Variants in SLC30A4 observed in about 807,000 individuals in gnomAD.
The protein encoded by SLC30A4 is probable proton-coupled zinc antiporter SLC30A4.
In SLC30A4, 20 loss-of-function variants were observed where a neutral mutation model predicts 41.7. The observed-to-expected ratio is 0.48, with a 90% CI of 0.34 to 0.70. The LOEUF (loss-of-function observed/expected upper bound fraction) is 0.70, where lower values mean the gene tolerates loss of function less well. Among genes scored for constraint, SLC30A4 ranks in the 30% least tolerant of loss-of-function variants. The pLI is 0.01. For missense variants in SLC30A4, 441 were observed against 529.3 expected, an observed-to-expected ratio of 0.83 and a Z score of 1.64; for synonymous variants, 181 against 195.9, an observed-to-expected ratio of 0.92 and a Z score of 0.64.
chr15:45,493,074 C>A (rs994220088), intron 3 of SLC30A4, among the ~76,000 whole-genome samples: 2 of 152,086 alleles, frequency 1.3e-5, no homozygotes, highest in Non-Finnish European at 2.9e-5. Context: ...GATTTCAAGA[C>A]CAGCCTGACC....
At chr15:45,515,126 A>G (rs1352575033) in intron 2 of SLC30A4, among the ~76,000 whole-genome samples, 2 of 151,674 alleles carry the variant, frequency 1.3e-5, no homozygotes, top group Non-Finnish European at 2.9e-5. Flanking sequence ...GACTCAGGCA[A>G]TCCTCCTGCC....
chr15:45,492,341 GA>G (rs906042669), intron 3 of SLC30A4, among the ~76,000 whole-genome samples: 5 of 150,782 alleles, frequency 3.3e-5, no homozygotes, highest in African/African-American at 4.9e-5. Flanking sequence ...AGGAAAAGAA[GA>G]AAAAAAATCA....
intron 2 of SLC30A4, among the ~76,000 whole-genome samples, chr15:45,513,015 T>C (rs918631337): frequency 6.8e-6 from 1 of 147,672 alleles, no homozygotes; most frequent in East Asian, 2.0e-4. Flanking sequence ...AAAAGAAAAA[T>C]GGGGCCAGGT....
Position 45,513,000 on chromosome 15 carries a change from A to G in SLC30A4, c.392-1716T>C, listed in dbSNP as rs972384137. 4.0e-5 allele frequency among the ~76,000 whole-genome samples: 6 copies of G among 151,866 alleles called. 1 individual carries two copies. The highest frequency in any genetic ancestry group is 2.6e-4 in the Admixed American group (4 of 15,218). ...TGACAAGAGTGAGACATTGACTAAA[A>G]AAAAAAAAGAAAAATGGGGCCAGGT... On this transcript the variant is annotated intron_variant, in intron 2 of 7. Coordinates refer to ENST00000261867, the MANE Select transcript of SLC30A4 (RefSeq NM_013309.6).
intron 3 of SLC30A4, among the ~76,000 whole-genome samples, chr15:45,504,302 G>A (rs1421152496): frequency 6.6e-6 from 1 of 152,136 alleles, no homozygotes; most frequent in Non-Finnish European, 1.5e-5. Context: ...TCACTTGGGT[G>A]AGAACCCATT....
chr15:45,495,056 G>A (rs1891883929), intron 3 of SLC30A4, among the ~76,000 whole-genome samples: 1 of 151,954 alleles, frequency 6.6e-6, no homozygotes, highest in African/African-American at 2.4e-5. Context: ...GGGAGGTTGA[G>A]GCGGGAGGAT....
rs947845820 is a variant in SLC30A4, at chr15:45,481,836, T to C, written c.*3327A>G. The C allele has an allele frequency of 6.6e-6, 1 of 152,118 alleles. No individual in the cohort carries two copies. The highest frequency in any genetic ancestry group is 1.5e-5 in the Non-Finnish European group (1 of 68,020). The allele number at this position is 152,118 out of a possible 1,614,324, so 9.4% of individuals were successfully genotyped here. On this transcript the variant is annotated 3_prime_UTR_variant, in exon 8 of 8. Coordinates refer to ENST00000261867, the MANE Select transcript of SLC30A4 (RefSeq NM_013309.6). ...TCTCATAGACTCCGTAAGGTAAAGA[T>C]ACAAACTATGTACTTTTTCCTACAA... is the stretch of plus-strand genomic sequence containing the variant.
At chr15:45,521,204 T>C (rs972139360) in intron 2 of SLC30A4, among the ~76,000 whole-genome samples, 1 of 152,236 alleles carries the variant, frequency 6.6e-6, no homozygotes, top group Non-Finnish European at 1.5e-5. Flanking sequence ...ACTGACGTGA[T>C]TGAAAATAAC....
chr15:45,491,617 G>T (rs963450895), intron 3 of SLC30A4, among the ~76,000 whole-genome samples: 1 of 152,162 alleles, frequency 6.6e-6, no homozygotes, highest in African/African-American at 2.4e-5. Flanking sequence ...GTTGTAACAA[G>T]GTTCCAGGGT....
intron 3 of SLC30A4, among the ~76,000 whole-genome samples, chr15:45,493,845 A>G (rs1190914900): frequency 6.6e-6 from 1 of 152,098 alleles, no homozygotes; most frequent in Non-Finnish European, 1.5e-5. Context: ...AAACAAAAAA[A>G]ACACTCCTAT....
At chr15:45,496,177 CA>C (rs1178220240) in intron 3 of SLC30A4, among the ~76,000 whole-genome samples, 9 of 152,058 alleles carry the variant, frequency 5.9e-5, no homozygotes, top group African/African-American at 2.2e-4. Context: ...TCTGATAAAA[CA>C]AAAAGCTCTT....
intron 4 of SLC30A4, among the ~76,000 whole-genome samples, chr15:45,490,339 T>C (rs1232877680): frequency 6.6e-6 from 1 of 152,200 alleles, no homozygotes; most frequent in Non-Finnish European, 1.5e-5. Flanking sequence ...TCTTCCCACC[T>C]TGGCCTCCCA....
chr15:45,487,688 C>T, intron 5 of SLC30A4, 56 bp from the exon 6 acceptor site: 1 of 811,494 alleles, frequency 1.2e-6, no homozygotes, highest in Non-Finnish European at 2.1e-6. Context: ...AAACAGACTG[C>T]AAAGCAAAGC....
intron 3 of SLC30A4, among the ~76,000 whole-genome samples, chr15:45,509,248 C>CTT (rs879266404): frequency 7.5e-5 from 10 of 133,306 alleles, no homozygotes; most frequent in African/African-American, 1.4e-4. Context: ...GGAACACATT[C>CTT]TTTTTTTTTT....
intron 2 of SLC30A4, among the ~76,000 whole-genome samples, chr15:45,515,354 G>A (rs983586967): frequency 1.3e-5 from 2 of 151,788 alleles, no homozygotes; most frequent in African/African-American, 4.8e-5. Context: ...ACTTTTCTAT[G>A]GAGTTTAAAA....
intron 3 of SLC30A4, among the ~76,000 whole-genome samples, chr15:45,495,523 AG>A (rs1244272908): frequency 6.6e-6 from 1 of 152,244 alleles, no homozygotes; most frequent in Non-Finnish European, 1.5e-5. Flanking sequence ...CAGATATATT[AG>A]GCATCCTATG....
intron 2 of SLC30A4, among the ~76,000 whole-genome samples, chr15:45,521,348 T>C (rs1351376682): frequency 6.6e-6 from 1 of 152,182 alleles, no homozygotes. Context: ...AGGCAAAAAT[T>C]TCATGTTAGT....
At chr15:45,510,248 C>G (rs1351569370) in intron 3 of SLC30A4, among the ~76,000 whole-genome samples, 1 of 152,024 alleles carries the variant, frequency 6.6e-6, no homozygotes, top group Non-Finnish European at 1.5e-5. Flanking sequence ...AAGACTCTGT[C>G]TTAAAAGCAA....
At chr15:45,493,975 T>C (rs1473191725) in intron 3 of SLC30A4, among the ~76,000 whole-genome samples, 1 of 152,186 alleles carries the variant, frequency 6.6e-6, no homozygotes, top group African/African-American at 2.4e-5. Flanking sequence ...AAGAGATTAA[T>C]ATATTTTTAA....
Sources: gnomAD v4.1 joint callset for allele counts (sites outside exome capture counted in the v4.1 genomes callset) on GRCh38, gnomAD v4.1.1 for gene constraint, MANE v1.5 for transcripts, NCBI Gene and HGNC (gene_info 2026-07-23, HGNC 2026-07-21) for gene names.